Variants in AGAP2 observed in about 807,000 individuals in gnomAD.
AGAP2 encodes the protein arf-GAP with GTPase, ANK repeat and PH domain-containing protein 2.
In AGAP2, 32 loss-of-function variants were observed where a neutral mutation model predicts 110.9. That is an observed-to-expected ratio of 0.29 (90% CI 0.22 to 0.39). The LOEUF is 0.39. Ranked by LOEUF, AGAP2 falls within the 10% of genes least tolerant of loss-of-function variation. AGAP2 has a pLI of 1.00. For synonymous variants in AGAP2, 702 were observed against 713.0 expected (o/e 0.98, Z 0.25); for missense variants, 1,285 against 1,638.5 (o/e 0.78, Z 3.72).
At chr12:57,739,908 C>T (rs772013041), upstream of AGAP2, 1 of 152,332 alleles carries the variant, frequency 6.6e-6, no homozygotes, top group Admixed American at 6.5e-5. Context: ...TGGAAACCGT[C>T]TGCTCCGTGT....
intron 12 of AGAP2, 109 bp downstream of exon 12, chr12:57,730,386 G>T: frequency 1.4e-6 from 2 of 1,421,916 alleles, no homozygotes; most frequent in Non-Finnish European, 1.9e-6. Flanking sequence ...GGCTCCATGT[G>T]TTCACTCATG....
Position 57,731,582 on chromosome 12 carries a change from T to C in AGAP2, c.2014A>G (p.Ser672Gly). ...TGTTTGATGGGGATGGCTCGCCCAC[T>C]CCCTGTTGTCTCTCCCCGACTATCC... The part of the protein sequence containing the change: ...SLDSRGETTG[S>G]GRAIPIKQSF... The change falls in exon 9 of 19, where the codon AGT (serine) becomes GGT (glycine). Residue 672 changes from serine (S) to glycine (G), a missense_variant. By Grantham distance (56) the Ser-to-Gly change is moderately conservative. This residue lies in a region of AGAP2 where 844 missense variants were observed against 941.2 expected (regional missense o/e 0.90). Transcript: ENST00000547588. The C allele has an allele frequency of 6.2e-7, 1 of 1,613,912 alleles. No homozygotes were observed. The highest frequency in any genetic ancestry group is 1.1e-5 in the South Asian group (1 of 91,040).
rs1439418916 is a variant in AGAP2 at position 57,737,311 on chromosome 12, G to C, written c.936C>G (p.Pro312=). Residue 312 remains proline (P), a synonymous_variant, in exon 1 of 19, where the codon CCC becomes CCG. Transcript: ENST00000547588. This position sits in a 1 kb window ranked among gnomAD's most constrained non-coding sequence, Gnocchi z 5.9. Reference sequence around the variant, plus strand: ...GAGTGATTGGAGGTGCAGGCCCGGGGGGCTGCGCGGAAGCAGCGGTGACAG... The same window carrying C: ...GAGTGATTGGAGGTGCAGGCCCGGGCGGCTGCGCGGAAGCAGCGGTGACAG... ...ATAVTAASAQ[P]PGPAPPITLE... is the part of the protein sequence containing the mutation. The C allele has an allele frequency of 1.9e-6, 3 of 1,613,678 alleles. No individual in the cohort carries two copies. Among genetic ancestry groups the C allele is most frequent in the African/African-American group, 2.7e-5 (2 of 74,936 alleles).
intron 13 of AGAP2, among the ~76,000 whole-genome samples, chr12:57,729,102 G>T (rs1383763678): frequency 1.5e-4 from 23 of 150,658 alleles, no homozygotes; most frequent in Admixed American, 1.5e-3. Context: ...TGTGAACCCG[G>T]GAGGCAGAGC....
upstream of AGAP2, chr12:57,741,982 C>T (rs757372066): frequency 1.6e-5 from 26 of 1,614,088 alleles, 1 homozygote; most frequent in Middle Eastern, 6.6e-4. Flanking sequence ...CTGCCAGCTT[C>T]CTGAGGCGGT....
At chr12:57,733,651 C>T (rs1954927215) in intron 5 of AGAP2, among the ~76,000 whole-genome samples, 1 of 152,194 alleles carries the variant, frequency 6.6e-6, no homozygotes. Flanking sequence ...CAGCCTTACC[C>T]AGCTGTCGCA....
intron 10 of AGAP2, 152 bp downstream of exon 10, chr12:57,731,214 A>G (rs1954878559): frequency 4.0e-6 from 3 of 741,000 alleles, no homozygotes; most frequent in Non-Finnish European, 6.6e-6. Flanking sequence ...TGGCATGGGC[A>G]CATGGTGGGC....
Position 57,738,262 on chromosome 12 carries a change from C to G in AGAP2, c.-16G>C. 6.7e-7 allele frequency: 1 copy of G among 1,499,998 alleles called. No individual in the cohort carries two copies. The highest frequency in any genetic ancestry group is 8.9e-7 in the Non-Finnish European group (1 of 1,129,622). 92.9% of individuals were successfully genotyped at this position (1,499,998 alleles called of 1,614,324 possible). ...CCCGGCTCATGGGGCCCGGAGACCC[C>G]CGAGCTGGGGAGGGGAGGGGACTCC... On this transcript the variant is annotated 5_prime_UTR_variant, in exon 1 of 19. Transcript: ENST00000547588. The surrounding 1 kb of genome is among the most constrained non-coding windows in gnomAD (Gnocchi z 6.7).
intron 1 of AGAP2, 99 bp from the exon 2 acceptor site, chr12:57,735,526 C>CG (rs1158015378): frequency 4.4e-6 from 5 of 1,125,502 alleles, no homozygotes; most frequent in Non-Finnish European, 6.5e-6. Context: ...CCAACCCCCC[C>CG]CCAACCCTGC....
chr12:57,727,006 C>T lies in AGAP2; in HGVS notation c.3304G>A (p.Ala1102Thr). Residue 1102 changes from alanine (A) to threonine (T), a missense_variant, in exon 18 of 19, where the codon GCC becomes ACC. Coordinates refer to ENST00000547588, the MANE Select transcript of AGAP2 (RefSeq NM_001122772.3). ...RSPLHLAAEL[A>T]HVVITQLLLW... Reference sequence around the variant, plus strand: ...AGCAGTTGCGTGATGACGACGTGGGCGAGCTCGGCCGCCAGGTGGAGTGGG... The same window carrying T: ...AGCAGTTGCGTGATGACGACGTGGGTGAGCTCGGCCGCCAGGTGGAGTGGG... 1.2e-6 allele frequency: 2 copies of T among 1,604,860 alleles called. No individual in the cohort carries two copies.
rs1555198680 is a variant in AGAP2, at chr12:57,730,926, C to G, written c.2173G>C (p.Glu725Gln). The G allele has an allele frequency of 6.4e-7, 1 of 1,574,758 alleles. No individual in the cohort carries two copies. The highest frequency in any genetic ancestry group is 1.3e-5 in the African/African-American group (1 of 74,248). Residue 725 changes from glutamate to glutamine, a missense_variant, in exon 11 of 19, where the codon GAG (glutamate) becomes CAG (glutamine). Glu to Gln is a conservative substitution (Grantham distance 29). Transcript: ENST00000547588. ...NDYIHSTHGK[E>Q]MDLLRTTVKV... is the part of the protein sequence containing the mutation. ...ACTGTTGTTCGCAGCAAGTCCATCT[C>G]CTTGCCGTGGGTACTGTGGATGTAA... is the stretch of plus-strand genomic sequence containing the variant.
Position 57,727,422 on chromosome 12 carries a change from C to T in AGAP2, c.3018G>A (p.Thr1006=), listed in dbSNP as rs1954792049. The T allele has an allele frequency of 6.2e-7, 1 of 1,613,462 alleles. No individual in the cohort carries two copies. Among genetic ancestry groups the T allele is most frequent in the Admixed American group, 1.7e-5 (1 of 59,988 alleles). Reference sequence around the variant, plus strand: ...TGTCGCTTTCCCACACGCGGTTGGCCGTGTCGTTGCCAATAGCCGTCAGCA... The same window carrying T: ...TGTCGCTTTCCCACACGCGGTTGGCTGTGTCGTTGCCAATAGCCGTCAGCA... ...TLVLTAIGND[T]ANRVWESDTR... Residue 1006 remains threonine (T), a synonymous_variant, in exon 17 of 19, where the codon ACG becomes ACA. Transcript: ENST00000547588.
Position 57,734,074 on chromosome 12 carries a change from G to A in AGAP2, c.1501C>T (p.Arg501Cys), listed in dbSNP as rs963328477. 2.9e-5 allele frequency: 47 copies of A among 1,612,698 alleles called. No individual in the cohort carries two copies. Among genetic ancestry groups the A allele is most frequent in the Non-Finnish European group, 3.6e-5 (42 of 1,179,434 alleles). Residue 501 changes from arginine (R) to cysteine (C), a missense_variant, in exon 5 of 19, where the codon CGC (arginine) becomes TGC (cysteine). Coordinates refer to ENST00000547588, the MANE Select transcript of AGAP2 (RefSeq NM_001122772.3). Reference sequence around the variant, plus strand: ...GCCAGGCCTCCTCGTCCCTCCCCGCGAAGGGAACTCAGCTGCCCATGGAGA... The same window carrying A: ...GCCAGGCCTCCTCGTCCCTCCCCGCAAAGGGAACTCAGCTGCCCATGGAGA... ...SRLHGQLSSL[R>C]GEGRGGLALA... is the part of the protein sequence containing the mutation.
At position 57,735,329 on chromosome 12, in the gene AGAP2, G is replaced by C. The variant is rs761937732; in HGVS notation, c.1227+40C>G. ...AGAGCTGAGAGTGCAGTGGGTGGGAGGTCAGCCTTCCCTATAGGCAAGGGG... is the reference window on the plus strand; with the variant it reads ...AGAGCTGAGAGTGCAGTGGGTGGGACGTCAGCCTTCCCTATAGGCAAGGGG... On this transcript the variant is annotated intron_variant, in intron 2 of 18. Transcript: ENST00000547588. 20 of 1,591,614 alleles carry C rather than the reference G, an allele frequency of 1.3e-5. No individual in the cohort carries two copies. The Middle Eastern group carries it at 5.0e-4, about 40-fold the overall frequency.
At chr12:57,735,650 C>A (rs1954967534) in intron 1 of AGAP2, among the ~76,000 whole-genome samples, 1 of 152,230 alleles carries the variant, frequency 6.6e-6, no homozygotes, top group African/African-American at 2.4e-5. Flanking sequence ...AGCAACGGAG[C>A]TAGCAAGACA....
At position 57,733,104 on chromosome 12, in the gene AGAP2, T is replaced by C. The variant is rs565136994; in HGVS notation, c.1550-125A>G. 7.9e-6 allele frequency: 10 copies of C among 1,270,056 alleles called. No homozygotes were observed. In the South Asian group the frequency reaches 1.4e-4, roughly 17 times the overall value. 78.7% of individuals were successfully genotyped at this position (1,270,056 alleles called of 1,614,324 possible). Reference sequence around the variant, plus strand: ...ACTGGGGATGGGGTGTGAGAGATCATCTTTTCTGTGACCAGGTGGAATGGG... The same window carrying C: ...ACTGGGGATGGGGTGTGAGAGATCACCTTTTCTGTGACCAGGTGGAATGGG... On this transcript the variant is annotated intron_variant, in intron 5 of 18. Transcript: ENST00000547588.
At chr12:57,731,783 G>C (rs1954890138) in intron 8 of AGAP2, 26 bp downstream of exon 8, 1 of 1,556,708 alleles carries the variant, frequency 6.4e-7, no homozygotes, top group Non-Finnish European at 8.7e-7. Context: ...CAGGAGGATG[G>C]GGGTCAGCAT....
rs757091492 is a variant in AGAP2, at chr12:57,734,049, G to C, written c.1526C>G (p.Ala509Gly). 3.7e-6 allele frequency: 6 copies of C among 1,605,862 alleles called. No homozygotes were observed. Among genetic ancestry groups the C allele is most frequent in the Non-Finnish European group, 3.4e-6 (4 of 1,175,850 alleles). ...ACCTTGTGTCCCCACCAGTGCCAAG[G>C]CCAGGCCTCCTCGTCCCTCCCCGCG... ...SLRGEGRGGLALALVGTQDRI... is the reference protein window; with the variant it reads ...SLRGEGRGGLGLALVGTQDRI... The change falls in exon 5 of 19, where the codon GCC becomes GGC. Residue 509 changes from alanine (A) to glycine (G), a missense_variant. Physicochemically the swap from Ala to Gly is moderately conservative, Grantham distance 60. Transcript: ENST00000547588.
Position 57,730,589 on chromosome 12 carries a change from A to G in AGAP2, c.2334T>C (p.Pro778=). ...GLEATTPMPS[P]SPSPSSLQPP... is the part of the protein sequence containing the mutation. Reference sequence around the variant, plus strand: ...GCTGCAGGGAACTGGGGCTGGGGCTAGGGCTTGGCATGGGAGTAGTGGCTT... The same window carrying G: ...GCTGCAGGGAACTGGGGCTGGGGCTGGGGCTTGGCATGGGAGTAGTGGCTT... Residue 778 remains proline, a synonymous_variant, in exon 12 of 19, where the codon CCT becomes CCC. Coordinates refer to ENST00000547588, the MANE Select transcript of AGAP2 (RefSeq NM_001122772.3). The G allele has an allele frequency of 6.2e-7, 1 of 1,614,012 alleles. No individual in the cohort carries two copies. The highest frequency in any genetic ancestry group is 1.3e-5 in the African/African-American group (1 of 75,042).
Sources: allele counts gnomAD v4.1 joint callset (sites outside exome capture counted in the v4.1 genomes callset), GRCh38; gene constraint gnomAD v4.1.1; regional missense constraint gnomAD v4.1.1; non-coding constraint Gnocchi (gnomAD v3.1); transcripts MANE v1.5; gene names NCBI Gene and HGNC (gene_info 2026-07-23, HGNC 2026-07-21).